The following BIRC6 variants were observed in gnomAD, a reference collection of about 807,000 sequenced individuals.
BIRC6 encodes the protein dual E2 ubiquitin-conjugating enzyme/E3 ubiquitin-protein ligase BIRC6.
A neutral mutation model predicts 503.3 loss-of-function variants in BIRC6; 98 were observed. The ratio of observed to expected loss-of-function variants is 0.19; its 90% confidence interval spans 0.17 to 0.23. The LOEUF (loss-of-function observed/expected upper bound fraction) is 0.23. Among genes scored for constraint, BIRC6 ranks in the 10% least tolerant of loss-of-function variants. The pLI, the probability that BIRC6 is intolerant of heterozygous loss-of-function variation, is 1.00. For synonymous variants in BIRC6, 2,240 were observed against 2,078.7 expected (o/e 1.08, Z -2.11); for missense variants, 5,360 against 5,806.0 (o/e 0.92, Z 2.50).
At chr2:32,527,266 C>T (rs368102886) in intron 59 of BIRC6, 3 of 152,194 alleles carry the variant, frequency 2.0e-5, no homozygotes, top group African/African-American at 7.2e-5. Flanking sequence ...CTTGTATGTA[C>T]TGCCCATAAG....
chr2:32,415,122 G>T lies in BIRC6; in HGVS notation c.1831G>T (p.Glu611Ter). ...SISEQGSTDN[E>*]SCTNSELNSP... ...ATCAGAACAAGGGTCAACTGACAAT[G>T]AATCCTGCACTAATTCAGAACTAAA... The change falls in exon 10 of 74, where the codon GAA (glutamate) becomes TAA (stop). Residue 611 changes from glutamate (E) to a stop codon, truncating the protein, a stop_gained. Transcript: ENST00000421745. LOFTEE classifies it high-confidence loss of function. 1 of 1,613,926 alleles carries T rather than the reference G, an allele frequency of 6.2e-7. No homozygotes were observed. The highest frequency in any genetic ancestry group is 8.5e-7 in the Non-Finnish European group (1 of 1,179,884).
intron 65 of BIRC6, among the ~76,000 whole-genome samples, chr2:32,557,102 A>G (rs1407836635): frequency 6.6e-6 from 1 of 152,208 alleles, no homozygotes; most frequent in Admixed American, 6.5e-5. Context: ...TTATTTTTCT[A>G]TGTGGCCTTA....
chr2:32,608,882 T>C (rs1252488897), intron 72 of BIRC6, among the ~76,000 whole-genome samples: 2 of 152,004 alleles, frequency 1.3e-5, no homozygotes, highest in African/African-American at 4.8e-5. Context: ...ATGCCATTTC[T>C]TTTTTTTATT....
rs762422963 is a variant in BIRC6 at position 32,482,570 on chromosome 2, T to G, written c.7684T>G (p.Ser2562Ala). The G allele has an allele frequency of 6.2e-7, 1 of 1,613,908 alleles. No individual in the cohort carries two copies. The highest frequency in any genetic ancestry group is 8.5e-7 in the Non-Finnish European group (1 of 1,179,816). ...EKNGSQTVSV[S>A]VSQALDARLE... ...GAACGGATCACAGACAGTTAGCGTT[T>G]CAGTCTCTCAGGGTAAGTGTATGTT... Residue 2562 changes from serine to alanine, a missense_variant, in exon 39 of 74, where the codon TCA becomes GCA. Ser to Ala is a moderately conservative substitution (Grantham distance 99). Coordinates refer to ENST00000421745, the MANE Select transcript of BIRC6 (RefSeq NM_016252.4).
chr2:32,588,563 C>T (rs1249380981), intron 66 of BIRC6, among the ~76,000 whole-genome samples: 1 of 151,890 alleles, frequency 6.6e-6, no homozygotes, highest in Non-Finnish European at 1.5e-5. Flanking sequence ...TTTAATGTAC[C>T]CTATATTTCT....
chr2:32,461,413 C>A (rs192409153), intron 23 of BIRC6, among the ~76,000 whole-genome samples: 1 of 147,252 alleles, frequency 6.8e-6, no homozygotes, highest in African/African-American at 2.6e-5. Context: ...ACCATGTTGA[C>A]CAAGCTGGTC....
intron 32 of BIRC6, among the ~76,000 whole-genome samples, chr2:32,472,748 G>C (rs1368732008): frequency 6.6e-6 from 1 of 152,080 alleles, no homozygotes; most frequent in East Asian, 1.9e-4. Context: ...TTTGGTTCCT[G>C]ATTAAAAGCG....
chr2:32,453,752 CTA>C, intron 22 of BIRC6, 54 bp from the exon 23 acceptor site: 1 of 1,529,156 alleles, frequency 6.5e-7, no homozygotes, highest in East Asian at 2.3e-5. Context: ...ATTGTTGTGA[CTA>C]TTGCTTTTTA....
At chr2:32,456,402 T>C (rs932310969) in intron 23 of BIRC6, among the ~76,000 whole-genome samples, 4 of 152,244 alleles carry the variant, frequency 2.6e-5, no homozygotes, top group Admixed American at 2.6e-4. Flanking sequence ...AAAATTTATG[T>C]ATCCACTATT....
At chr2:32,607,975 C>CAAAAAA (rs35242178) in intron 72 of BIRC6, among the ~76,000 whole-genome samples, 7 of 51,932 alleles carry the variant, frequency 1.3e-4, no homozygotes, top group East Asian at 7.1e-4. Flanking sequence ...ACTCCATCTC[C>CAAAAAA]AAAAAAAAAA....
intron 66 of BIRC6, among the ~76,000 whole-genome samples, chr2:32,582,440 A>T (rs1013507209): frequency 1.3e-5 from 2 of 152,088 alleles, no homozygotes; most frequent in Non-Finnish European, 2.9e-5. Flanking sequence ...CATATCACTG[A>T]ACTTTCTGTT....
chr2:32,459,004 G>GT (rs746385556), intron 23 of BIRC6, among the ~76,000 whole-genome samples: 16 of 151,934 alleles, frequency 1.1e-4, no homozygotes, highest in Non-Finnish European at 2.4e-4. Context: ...TTGTCTTAGC[G>GT]TAACAATAGT....
In BIRC6 at chr2:32,617,967, T is replaced by TTTGGC; in HGVS notation, c.*66_*67insGCTTG. 6.8e-7 allele frequency: 1 copy of TTTGGC among 1,478,564 alleles called. No individual in the cohort carries two copies. The highest frequency in any genetic ancestry group is 9.2e-7 in the Non-Finnish European group (1 of 1,090,080). The allele number at this position is 1,478,564 out of a possible 1,614,324, so 91.6% of individuals were successfully genotyped here. A position where few individuals can be genotyped will look rare whatever the true frequency, so the allele number is the denominator to read the frequency against. On this transcript the variant is annotated 3_prime_UTR_variant, in exon 74 of 74. Transcript: ENST00000421745. ...GAAGCACAAGCCAAATATGTCAATA[T>TTTGGC]TTGTATGTAAGAAACTAATTATGTA... is the stretch of plus-strand genomic sequence containing the variant.
At chr2:32,603,106 T>A (rs780801638) in intron 71 of BIRC6, 23 bp downstream of exon 71, 6 of 1,588,940 alleles carry the variant, frequency 3.8e-6, no homozygotes, top group Non-Finnish European at 5.1e-6. Context: ...TCTCTGACAT[T>A]TTCACTTAAG....
intron 65 of BIRC6, among the ~76,000 whole-genome samples, chr2:32,552,977 C>T (rs887931310): frequency 1.3e-5 from 2 of 148,880 alleles, no homozygotes; most frequent in Non-Finnish European, 3.0e-5. Context: ...GGCATGCTAC[C>T]GTTTAACCTA....
chr2:32,394,030 C>T (rs1338600361), intron 5 of BIRC6, among the ~76,000 whole-genome samples: 1 of 150,990 alleles, frequency 6.6e-6, no homozygotes, highest in African/African-American at 2.4e-5. Flanking sequence ...TGGAGACTGG[C>T]TAATATTAGA....
rs763703460 is a variant in BIRC6, at chr2:32,482,421, C to T, written c.7543-8C>T. 5.0e-6 allele frequency: 8 copies of T among 1,603,590 alleles called. No homozygotes were observed. In the Admixed American group the frequency reaches 5.2e-5, roughly 10 times the overall value. The stretch of plus-strand genomic sequence containing the variant: ...AATAAACCACAGTTTTTTTTCCATT[C>T]TTTTAAGCCAATAAGCAGTACATGG... On this transcript the variant is annotated splice_polypyrimidine_tract_variant and splice_region_variant and intron_variant, in intron 38 of 73. Coordinates refer to ENST00000421745, the MANE Select transcript of BIRC6 (RefSeq NM_016252.4).
At chr2:32,518,426 G>A (rs1472617060) in intron 56 of BIRC6, 29 bp downstream of exon 56, 2 of 1,579,958 alleles carry the variant, frequency 1.3e-6, no homozygotes, top group African/African-American at 1.4e-5. Flanking sequence ...ATCATTGGCT[G>A]TGTATACATG....
chr2:32,383,887 T>C (rs2038058197), intron 3 of BIRC6, among the ~76,000 whole-genome samples: 1 of 152,218 alleles, frequency 6.6e-6, no homozygotes, highest in Non-Finnish European at 1.5e-5. Flanking sequence ...GACTTGGAAG[T>C]ACTAAGGGGC....
Sources: allele counts gnomAD v4.1 joint callset (sites outside exome capture counted in the v4.1 genomes callset), GRCh38; gene constraint gnomAD v4.1.1; transcripts MANE v1.5; gene names NCBI Gene and HGNC (gene_info 2026-07-23, HGNC 2026-07-21).